The following CACNG2 variants were observed in gnomAD, a reference collection of about 807,000 sequenced individuals.
CACNG2 encodes the protein voltage-dependent calcium channel gamma-2 subunit.
A neutral mutation model predicts 25.9 loss-of-function variants in CACNG2; 3 were observed. The ratio of observed to expected loss-of-function variants is 0.12; its 90% CI spans 0.05 to 0.30. The LOEUF (loss-of-function observed/expected upper bound fraction) is 0.30. CACNG2 is among the 10% of genes least tolerant of loss of function. The pLI, the probability that CACNG2 is intolerant of heterozygous loss-of-function variation, is 1.00. For missense variants in CACNG2, 341 were observed against 432.5 expected, an observed-to-expected ratio of 0.79 and a Z score of 1.88; for synonymous variants, 167 against 173.3, an observed-to-expected ratio of 0.96 and a Z score of 0.29.
At chr22:36,611,723 A>T (rs1935944305) in intron 1 of CACNG2, among the ~76,000 whole-genome samples, 1 of 152,182 alleles carries the variant, frequency 6.6e-6, no homozygotes, top group Admixed American at 6.5e-5. Context: ...GCGGGTCTCC[A>T]GGCTGTTGTT....
At chr22:36,620,432 A>G (rs1936089238) in intron 1 of CACNG2, among the ~76,000 whole-genome samples, 1 of 152,254 alleles carries the variant, frequency 6.6e-6, no homozygotes, top group Admixed American at 6.5e-5. Flanking sequence ...TTGGAGAAAA[A>G]GGATTCTAAT....
intron 1 of CACNG2, among the ~76,000 whole-genome samples, chr22:36,675,329 C>T (rs940143753): frequency 6.6e-6 from 1 of 152,128 alleles, no homozygotes; most frequent in Non-Finnish European, 1.5e-5. Flanking sequence ...CAGGCATGAG[C>T]CACCATGCCT....
At chr22:36,699,611 C>T (rs1334215581) in intron 1 of CACNG2, among the ~76,000 whole-genome samples, 1 of 144,832 alleles carries the variant, frequency 6.9e-6, no homozygotes, top group Non-Finnish European at 1.5e-5. Context: ...GCAATTTCTC[C>T]AGATTGGGCA....
chr22:36,691,437 C>T (rs966430542), intron 1 of CACNG2, among the ~76,000 whole-genome samples: 13 of 152,144 alleles, frequency 8.5e-5, no homozygotes, highest in Non-Finnish European at 1.5e-5. Context: ...TCACTATTCC[C>T]CCACCCTGCC....
At chr22:36,691,367 T>C (rs1263247616) in intron 1 of CACNG2, among the ~76,000 whole-genome samples, 1 of 152,192 alleles carries the variant, frequency 6.6e-6, no homozygotes, top group Non-Finnish European at 1.5e-5. Flanking sequence ...AGGAGACTGA[T>C]GTCCTTGCAT....
intron 1 of CACNG2, among the ~76,000 whole-genome samples, chr22:36,596,246 C>G (rs1040972288): frequency 2.8e-4 from 42 of 152,196 alleles, no homozygotes; most frequent in African/African-American, 1.0e-3. Flanking sequence ...TTTGCTGCTC[C>G]TGGCTTTTTG....
At chr22:36,649,390 C>T (rs1208213134) in intron 1 of CACNG2, among the ~76,000 whole-genome samples, 1 of 152,156 alleles carries the variant, frequency 6.6e-6, no homozygotes, top group Non-Finnish European at 1.5e-5. Context: ...CTCCCAGATT[C>T]CAGTTATTCT....
chr22:36,651,224 C>CTTTTTTTTT (rs11411019), intron 1 of CACNG2, among the ~76,000 whole-genome samples: 3 of 83,114 alleles, frequency 3.6e-5, no homozygotes, highest in African/African-American at 9.5e-5. Context: ...CTTCTTCCTC[C>CTTTTTTTTT]TTTTTTTTTT....
chr22:36,574,933 G>A (rs973692389), intron 2 of CACNG2, among the ~76,000 whole-genome samples: 4 of 152,234 alleles, frequency 2.6e-5, no homozygotes, highest in African/African-American at 9.6e-5. Context: ...GTGTGCAGAT[G>A]TGGAGCACAG....
chr22:36,657,478 G>A (rs1463088219), intron 1 of CACNG2, among the ~76,000 whole-genome samples: 2 of 152,178 alleles, frequency 1.3e-5, no homozygotes, highest in Admixed American at 1.3e-4. Flanking sequence ...CTGCCTGGGA[G>A]AAGAAGAGGT....
At chr22:36,674,883 T>C (rs536794615) in intron 1 of CACNG2, among the ~76,000 whole-genome samples, 22 of 152,340 alleles carry the variant, frequency 1.4e-4, no homozygotes, top group Admixed American at 7.2e-4. Context: ...GGCCTCTGTT[T>C]TCTCATCTGT....
chr22:36,641,645 C>A (rs998162353), intron 1 of CACNG2, among the ~76,000 whole-genome samples: 2 of 152,198 alleles, frequency 1.3e-5, no homozygotes, highest in Non-Finnish European at 2.9e-5. Context: ...CTGTTTAGGT[C>A]TGTGTGTACG....
At chr22:36,588,363 A>G (rs1400224583) in intron 1 of CACNG2, among the ~76,000 whole-genome samples, 2 of 152,204 alleles carry the variant, frequency 1.3e-5, no homozygotes, top group African/African-American at 4.8e-5. Context: ...AAATCCCAGC[A>G]CAGTGTCACA....
chr22:36,574,737 G>A (rs1049848207), intron 2 of CACNG2, among the ~76,000 whole-genome samples: 5 of 152,114 alleles, frequency 3.3e-5, no homozygotes, highest in Non-Finnish European at 7.3e-5. Context: ...CACCAAAATT[G>A]TGCCATTGCA....
chr22:36,570,180 G>A (rs1476163362), intron 2 of CACNG2, among the ~76,000 whole-genome samples: 1 of 152,226 alleles, frequency 6.6e-6, no homozygotes. Context: ...AGCAGGGGGA[G>A]GGAGCGTCGG....
At chr22:36,611,594 A>C (rs1029125484) in intron 1 of CACNG2, among the ~76,000 whole-genome samples, 8 of 152,142 alleles carry the variant, frequency 5.3e-5, no homozygotes, top group African/African-American at 1.9e-4. Context: ...AGTTGATAAA[A>C]TGCCTGCTGT....
In CACNG2 at chr22:36,562,651, G is replaced by A. The variant is rs769866773; in HGVS notation, c.*1700C>T. The A allele has an allele frequency of 6.6e-6, 1 of 152,348 alleles. No individual in the cohort carries two copies. Among genetic ancestry groups the A allele is most frequent in the Non-Finnish European group, 1.5e-5 (1 of 68,138 alleles). 9.4% of individuals were successfully genotyped at this position (152,348 alleles called of 1,614,324 possible). A position where few individuals can be genotyped will look rare whatever the true frequency, so the allele number is the denominator to read the frequency against. ...CCACGCCCCTGGCCGTGTATGGGAT[G>A]GAAGGGTTGAGACTGAGTGTGTCCC... On this transcript the variant is annotated 3_prime_UTR_variant, in exon 4 of 4. Coordinates refer to ENST00000300105, the MANE Select transcript of CACNG2 (RefSeq NM_006078.5).
rs530213283 is a variant in CACNG2 at position 36,610,373 on chromosome 22, G to A, written c.212-22825C>T. Among the ~76,000 whole-genome samples the A allele has an allele frequency of 9.9e-5, 14 of 140,896 alleles. No homozygotes were observed. In the South Asian group the frequency reaches 3.0e-3, roughly 30 times the overall value. 92.4% of individuals were successfully genotyped at this position (140,896 alleles called of 152,430 possible). A position where few individuals can be genotyped will look rare whatever the true frequency, so the allele number is the denominator to read the frequency against. ...AGTCAGCCCCGTAGAGCGTGATTGG[G>A]AGGAATCAGCTCCCCAGAGCGTGAT... On this transcript the variant is annotated intron_variant, in intron 1 of 3. Coordinates refer to ENST00000300105, the MANE Select transcript of CACNG2 (RefSeq NM_006078.5).
chr22:36,649,028 C>A (rs920778192), intron 1 of CACNG2, among the ~76,000 whole-genome samples: 3 of 152,236 alleles, frequency 2.0e-5, no homozygotes, highest in African/African-American at 7.2e-5. Context: ...GAACTCCCTT[C>A]CATGACTTGC....
Sources: gnomAD v4.1 joint callset for allele counts (sites outside exome capture counted in the v4.1 genomes callset) on GRCh38, gnomAD v4.1.1 for gene constraint, MANE v1.5 for transcripts, NCBI Gene and HGNC (gene_info 2026-07-23, HGNC 2026-07-21) for gene names.